RCC2: variants seen among roughly 807,000 people sequenced by gnomAD.
RCC2 encodes protein RCC2.
In RCC2, 19 loss-of-function variants were observed where a neutral mutation model predicts 64.1. The ratio of observed to expected loss-of-function variants is 0.30; its 90% CI spans 0.21 to 0.44. The LOEUF is 0.44. RCC2 is among the 20% of genes least tolerant of loss of function. RCC2 has a pLI of 1.00. For missense variants in RCC2, 508 were observed against 710.4 expected, an observed-to-expected ratio of 0.72 and a Z score of 3.24; for synonymous variants, 325 against 279.6, an observed-to-expected ratio of 1.16 and a Z score of -1.62.
chr1:17,414,916 G>A (rs894458959), intron 8 of RCC2, among the ~76,000 whole-genome samples: 3 of 152,064 alleles, frequency 2.0e-5, no homozygotes, highest in Non-Finnish European at 2.9e-5. Flanking sequence ...CACTGCGCCC[G>A]GCCTGGATTT....
intron 2 of RCC2, among the ~76,000 whole-genome samples, chr1:17,432,814 C>T (rs941812361): frequency 1.3e-5 from 2 of 152,050 alleles, no homozygotes; most frequent in South Asian, 2.1e-4. Flanking sequence ...ATTTGTGGGC[C>T]GGGCATGGTG....
chr1:17,409,228 G>C (rs111458621), intron 12 of RCC2, 34 bp from the exon 13 acceptor site: 288 of 1,394,448 alleles, frequency 2.1e-4, no homozygotes, highest in Non-Finnish European at 2.7e-4. Flanking sequence ...GTGTGCCTGA[G>C]GCGCCTGGAC....
At chr1:17,422,939 C>G in intron 4 of RCC2, 103 bp from the exon 5 acceptor site, 1 of 1,437,244 alleles carries the variant, frequency 7.0e-7, no homozygotes, top group South Asian at 1.2e-5. Flanking sequence ...GCCCATCTGT[C>G]TCTGGAAGGT....
chr1:17,416,569 C>A lies in RCC2; in HGVS notation c.937G>T (p.Ala313Ser). The A allele has an allele frequency of 6.2e-7, 1 of 1,614,012 alleles. No individual in the cohort carries two copies. Among genetic ancestry groups the A allele is most frequent in the South Asian group, 1.1e-5 (1 of 91,056 alleles). ...YDCELVPRRVAIFIEKTKDGQ... is the reference protein window; with the variant it reads ...YDCELVPRRVSIFIEKTKDGQ... ...TCTTTCGTCTTCTCAATGAAGATGG[C>A]CACTCGCCGGGGAACTAGTTCACAG... is the stretch of plus-strand genomic sequence containing the variant. Residue 313 changes from alanine (A) to serine (S), a missense_variant, in exon 8 of 13, where the codon GCC (alanine) becomes TCC (serine). Coordinates refer to ENST00000375436, the MANE Select transcript of RCC2 (RefSeq NM_018715.4).
intron 8 of RCC2, 59 bp downstream of exon 8, chr1:17,416,421 C>T (rs191385136): frequency 1.3e-6 from 2 of 1,538,390 alleles, no homozygotes; most frequent in East Asian, 2.3e-5. Context: ...GAAACTTGAG[C>T]ATAAACACCC....
At chr1:17,419,868 T>A (rs1478977802) in intron 7 of RCC2, among the ~76,000 whole-genome samples, 2 of 152,164 alleles carry the variant, frequency 1.3e-5, no homozygotes, top group Non-Finnish European at 2.9e-5. Context: ...AAATGTGAAA[T>A]GTGCGTAAGG....
intron 2 of RCC2, among the ~76,000 whole-genome samples, chr1:17,437,640 G>C (rs1334225934): frequency 4.3e-4 from 2 of 4,632 alleles, no homozygotes. Flanking sequence ...CTCAGCCGGG[G>C]GGCTTCCCCG....
At chr1:17,429,332 AAC>A (rs1416383111) in intron 2 of RCC2, 133 bp from the exon 3 acceptor site, 4 of 697,198 alleles carry the variant, frequency 5.7e-6, no homozygotes, top group Non-Finnish European at 7.5e-6. Context: ...CCTCCACACG[AAC>A]AGAGTCTCCC....
chr1:17,434,616 G>C (rs2075716806), intron 2 of RCC2, among the ~76,000 whole-genome samples: 1 of 152,242 alleles, frequency 6.6e-6, no homozygotes, highest in African/African-American at 2.4e-5. Context: ...TAGTTGGTCA[G>C]AAGCTACCAG....
intron 7 of RCC2, among the ~76,000 whole-genome samples, chr1:17,417,506 T>C (rs535103893): frequency 1.1e-4 from 16 of 152,054 alleles, no homozygotes; most frequent in Non-Finnish European, 1.9e-4. Flanking sequence ...TGTCTCTACT[T>C]TAAAAAACAA....
intron 2 of RCC2, among the ~76,000 whole-genome samples, chr1:17,434,647 G>A (rs149793058): frequency 4.5e-4 from 69 of 152,354 alleles, no homozygotes; most frequent in African/African-American, 1.6e-3. Context: ...TGCAACTGGT[G>A]TCTGGGGTGG....
intron 2 of RCC2, among the ~76,000 whole-genome samples, chr1:17,430,006 G>A: frequency 6.6e-6 from 1 of 152,194 alleles, no homozygotes; most frequent in Non-Finnish European, 1.5e-5. Flanking sequence ...ATTCTGGGTG[G>A]CACTCATAAT....
At chr1:17,426,557 C>T (rs2075618388) in intron 3 of RCC2, among the ~76,000 whole-genome samples, 1 of 152,118 alleles carries the variant, frequency 6.6e-6, no homozygotes, top group Admixed American at 6.5e-5. Flanking sequence ...CAGCCCACCA[C>T]AGCTCTCTTC....
rs1386184440 is a variant in RCC2, at chr1:17,431,351, A to AT, written c.286-2153_286-2152insA. The stretch of plus-strand genomic sequence containing the variant: ...TCCATCTCAAAAAAAAAAAAAAAAA[A>AT]AAAAAAAAATATATATATATATATA... On this transcript the variant is annotated intron_variant, in intron 2 of 12. Transcript: ENST00000375436. Among the ~76,000 whole-genome samples the AT allele has an allele frequency of 2.7e-3, 134 of 50,552 alleles. 9 individuals carry two copies. The highest frequency in any genetic ancestry group is 4.1e-3 in the Non-Finnish European group (104 of 25,198). The allele number at this position is 50,552 out of a possible 152,430, so 33.2% of individuals were successfully genotyped here.
intron 2 of RCC2, among the ~76,000 whole-genome samples, chr1:17,431,328 C>A (rs1453702517): frequency 2.2e-5 from 1 of 45,478 alleles, no homozygotes; most frequent in Non-Finnish European, 4.2e-5. Flanking sequence ...AGCAAGACTC[C>A]ATCTCAAAAA....
intron 2 of RCC2, 40 bp from the exon 3 acceptor site, chr1:17,429,239 G>T: frequency 6.7e-7 from 1 of 1,499,236 alleles, no homozygotes; most frequent in Non-Finnish European, 9.3e-7. Flanking sequence ...TAGTGTGTAA[G>T]TCTGCACCTA....
At chr1:17,433,959 T>A (rs1438172388) in intron 2 of RCC2, among the ~76,000 whole-genome samples, 5 of 152,124 alleles carry the variant, frequency 3.3e-5, no homozygotes, top group African/African-American at 1.2e-4. Flanking sequence ...AACACATCTG[T>A]CTCAGGGTCC....
chr1:17,438,579 G>A, intron 1 of RCC2, 57 bp from the exon 2 acceptor site: 1 of 1,271,164 alleles, frequency 7.9e-7, no homozygotes, highest in Non-Finnish European at 9.9e-7. Context: ...CTGCGCGGGG[G>A]GAGGGGAGCG....
intron 1 of RCC2, among the ~76,000 whole-genome samples, chr1:17,439,322 CCT>C (rs1397948956): frequency 3.4e-5 from 5 of 148,282 alleles, no homozygotes; most frequent in Non-Finnish European, 4.5e-5. Context: ...TGCGCTCTCC[CCT>C]GTCTGCTTTT....
Sources: allele counts gnomAD v4.1 joint callset (sites outside exome capture counted in the v4.1 genomes callset), GRCh38; gene constraint gnomAD v4.1.1; transcripts MANE v1.5; gene names NCBI Gene and HGNC (gene_info 2026-07-23, HGNC 2026-07-21).